Variants in RBM45 observed in about 807,000 individuals in gnomAD.
RBM45 encodes RNA-binding protein 45.
A neutral mutation model predicts 58.5 loss-of-function variants in RBM45; 39 were observed. The ratio of observed to expected loss-of-function variants is 0.67; its 90% CI spans 0.52 to 0.87. The LOEUF (loss-of-function observed/expected upper bound fraction) is 0.87. RBM45 is among the 40% of genes least tolerant of loss of function. The pLI, the probability that RBM45 is intolerant of heterozygous loss-of-function variation, is 0.00. For synonymous variants in RBM45, 193 were observed against 203.0 expected (o/e 0.95, Z 0.42); for missense variants, 481 against 581.6 (o/e 0.83, Z 1.78).
At chr2:178,136,704 G>C (rs2088048421) in exon 4 of RBM45, 1 of 152,272 alleles carries the variant, frequency 6.6e-6, no homozygotes, top group Non-Finnish European at 1.5e-5. Context: ...TCTTTGCCCT[G>C]AGAACTTTGA....
chr2:178,128,889 CTT>C (rs1559082612), intron 9 of RBM45, among the ~76,000 whole-genome samples: 1 of 152,126 alleles, frequency 6.6e-6, no homozygotes. Context: ...CTGTGGAAGA[CTT>C]TGCCAAATTT....
intron 2 of RBM45, among the ~76,000 whole-genome samples, chr2:178,116,982 T>A (rs1464259604): frequency 6.6e-6 from 1 of 152,188 alleles, no homozygotes; most frequent in Non-Finnish European, 1.5e-5. Flanking sequence ...AGCTCTGACC[T>A]ATATAAGTGA....
intron 8 of RBM45, chr2:178,125,757 G>A (rs1168486484): frequency 1.5e-6 from 1 of 671,650 alleles, no homozygotes; most frequent in Non-Finnish European, 2.8e-6. Flanking sequence ...CAGGGGTAAG[G>A]AAACTAGTGA....
chr2:178,132,147 G>T (rs1374118190), downstream of RBM45, among the ~76,000 whole-genome samples: 1 of 152,146 alleles, frequency 6.6e-6, no homozygotes, highest in Non-Finnish European at 1.5e-5. Context: ...AAATAAGCCT[G>T]ATTAAAGCCT....
At chr2:178,131,473 T>A (rs1338949589), downstream of RBM45, among the ~76,000 whole-genome samples, 1 of 152,240 alleles carries the variant, frequency 6.6e-6, no homozygotes, top group Non-Finnish European at 1.5e-5. Context: ...AGCTTGAATC[T>A]GTCACATGGT....
chr2:178,124,276 A>G lies in RBM45; in HGVS notation c.1218A>G (p.Leu406=). ...FNPHPLPLDV[L]EDIFCRFGNL... is the part of the protein sequence containing the mutation. ...CTCATCCTTTACCTTTAGACGTATT[A>G]GAAGATATATTCTGGTAAGAAAGTT... is the stretch of plus-strand genomic sequence containing the variant. The change falls in exon 8 of 10, where the codon TTA becomes TTG. Residue 406 remains leucine, a synonymous_variant. Coordinates refer to ENST00000286070, the MANE Select transcript of RBM45 (RefSeq NM_152945.4). 9 of 1,549,250 alleles carry G rather than the reference A, an allele frequency of 5.8e-6. No individual in the cohort carries two copies. The highest frequency in any genetic ancestry group is 5.2e-6 in the Non-Finnish European group (6 of 1,143,864).
At chr2:178,112,874 C>A (rs760045638) in intron 1 of RBM45, 28 bp downstream of exon 1, 2 of 1,593,704 alleles carry the variant, frequency 1.3e-6, no homozygotes, top group East Asian at 4.5e-5. Context: ...GGGGTGCCCT[C>A]GGGGGAAGGA....
At chr2:178,116,647 G>T (rs1419926469) in intron 2 of RBM45, among the ~76,000 whole-genome samples, 2 of 152,210 alleles carry the variant, frequency 1.3e-5, no homozygotes, top group Non-Finnish European at 2.9e-5. Flanking sequence ...TCGCAGAAAT[G>T]AAGCATAAAG....
chr2:178,118,094 A>T lies in RBM45; in HGVS notation c.463A>T (p.Lys155Ter), dbSNP rs148102142. ...CGAGTATTGCAGCATTATTAAGAATAAAGTGACTGGAGAAAGTAAAGGTTT... is the reference window on the plus strand; with the variant it reads ...CGAGTATTGCAGCATTATTAAGAATTAAGTGACTGGAGAAAGTAAAGGTTT... The part of the protein sequence containing the change: ...DIEYCSIIKN[K>*]VTGESKGLGY... The change falls in exon 3 of 10, where the codon AAA (lysine) becomes TAA (stop). Residue 155 changes from lysine to a stop codon, truncating the protein, a stop_gained. Coordinates refer to ENST00000286070, the MANE Select transcript of RBM45 (RefSeq NM_152945.4). LOFTEE classifies it high-confidence loss of function. 1 of 1,612,462 alleles carries T rather than the reference A, an allele frequency of 6.2e-7. No homozygotes were observed. Among genetic ancestry groups the T allele is most frequent in the African/African-American group, 1.3e-5 (1 of 74,888 alleles).
At chr2:178,114,999 T>C (rs2087753664) in intron 1 of RBM45, among the ~76,000 whole-genome samples, 1 of 151,536 alleles carries the variant, frequency 6.6e-6, no homozygotes, top group East Asian at 1.9e-4. Context: ...TATTGTACTT[T>C]GCTTTTACAA....
chr2:178,118,887 C>G lies in RBM45; in HGVS notation c.550+706C>G, dbSNP rs1005441097. On this transcript the variant is annotated intron_variant, in intron 3 of 9. Coordinates refer to ENST00000286070, the MANE Select transcript of RBM45 (RefSeq NM_152945.4). Reference sequence around the variant, plus strand: ...TCTTAGATACCCCTAAGGTACATACCCAGATTTTCTCTTAGATCCTTCTAA... The same window carrying G: ...TCTTAGATACCCCTAAGGTACATACGCAGATTTTCTCTTAGATCCTTCTAA... 3.3e-5 allele frequency among the ~76,000 whole-genome samples: 5 copies of G among 152,140 alleles called. No individual in the cohort carries two copies. In the Middle Eastern group the frequency reaches 0.01, roughly 313 times the overall value.
At chr2:178,126,820 A>G (rs930646903) in intron 9 of RBM45, among the ~76,000 whole-genome samples, 1 of 152,238 alleles carries the variant, frequency 6.6e-6, no homozygotes, top group African/African-American at 2.4e-5. Context: ...TTTGATACAT[A>G]CAGCCATATG....
chr2:178,120,386 C>T lies in RBM45; in HGVS notation c.650C>T (p.Pro217Leu). ...AGGCAAGAAGCTTTGGGACATGAAC[C>T]TAGAGTAAATATGTTTCCATTTGGT... ...NMRQEALGHE[P>L]RVNMFPFEQQ... Residue 217 changes from proline to leucine, a missense_variant, in exon 4 of 10, where the codon CCT becomes CTT. By Grantham distance (98) the Pro-to-Leu change is moderately conservative (BLOSUM62 -3). Coordinates refer to ENST00000286070, the MANE Select transcript of RBM45 (RefSeq NM_152945.4). The T allele has an allele frequency of 6.2e-7, 1 of 1,612,378 alleles. No homozygotes were observed.
At chr2:178,123,701 T>C in intron 6 of RBM45, 50 bp downstream of exon 6, 1 of 1,586,924 alleles carries the variant, frequency 6.3e-7, no homozygotes, top group Non-Finnish European at 8.6e-7. Context: ...GTGTACATGA[T>C]TGATAGGACT....
chr2:178,116,260 A>T lies in RBM45; in HGVS notation c.301-2A>T, dbSNP rs776014067. The T allele has an allele frequency of 1.3e-6, 2 of 1,561,704 alleles. No individual in the cohort carries two copies. The highest frequency in any genetic ancestry group is 1.7e-6 in the Non-Finnish European group (2 of 1,161,826). ...ATTTTGGGAGTTTTGTTTGTTTCTT[A>T]GGTTTTCATTGCTCAGTCCCGATCA... On this transcript the variant is annotated splice_acceptor_variant, in intron 1 of 9. Transcript: ENST00000286070. LOFTEE classifies it high-confidence loss of function.
chr2:178,123,560 A>G lies in RBM45; in HGVS notation c.892A>G (p.Ile298Val), dbSNP rs115290266. The G allele has an allele frequency of 2.5e-6, 4 of 1,605,614 alleles. 1 individual carries two copies. The South Asian group carries it at 3.4e-5, about 14-fold the overall frequency. Reference sequence around the variant, plus strand: ...TCAGTATTTTAATGTAGCATCAGCTATTTATGCAAAATACAAATTACATGG... The same window carrying G: ...TCAGTATTTTAATGTAGCATCAGCTGTTTATGCAAAATACAAATTACATGG... ...VVQYFNVASA[I>V]YAKYKLHGFQ... The change falls in exon 6 of 10, where the codon ATT becomes GTT. Residue 298 changes from isoleucine to valine, a missense_variant. Transcript: ENST00000286070.
chr2:178,118,327 A>G (rs1236642851), intron 3 of RBM45, 146 bp downstream of exon 3: 2 of 787,310 alleles, frequency 2.5e-6, no homozygotes, highest in Admixed American at 6.6e-5. Flanking sequence ...AGTCCAAGGA[A>G]GAAAAATATT....
At chr2:178,122,758 T>G (rs2087872345) in intron 5 of RBM45, among the ~76,000 whole-genome samples, 1 of 152,214 alleles carries the variant, frequency 6.6e-6, no homozygotes, top group Admixed American at 6.5e-5. Flanking sequence ...GAATTAACTT[T>G]ATATGGTCAT....
chr2:178,114,740 T>C (rs1315835161), intron 1 of RBM45, among the ~76,000 whole-genome samples: 2 of 152,110 alleles, frequency 1.3e-5, no homozygotes, highest in African/African-American at 2.4e-5. Flanking sequence ...GGACTACAGA[T>C]GTGCACCACC....
Sources: allele counts gnomAD v4.1 joint callset (sites outside exome capture counted in the v4.1 genomes callset), GRCh38; gene constraint gnomAD v4.1.1; transcripts MANE v1.5; gene names NCBI Gene and HGNC (gene_info 2026-07-23, HGNC 2026-07-21).